The following MECOM variants were observed in gnomAD, a reference collection of about 807,000 sequenced individuals.
MECOM encodes the protein MDS1 and EVI1 complex locus, also known as histone-lysine N-methyltransferase MECOM.
Under a neutral mutation model 116.3 loss-of-function variants are expected in MECOM, and 13 were observed. That is an observed-to-expected ratio of 0.11 (90% CI 0.07 to 0.18). The LOEUF (loss-of-function observed/expected upper bound fraction) is 0.18. MECOM is among the 10% of genes least tolerant of loss of function. The pLI is 1.00. For synonymous variants in MECOM, 528 were observed against 535.2 expected (o/e 0.99, Z 0.19); for missense variants, 1,299 against 1,509.0 (o/e 0.86, Z 2.31).
intron 1 of MECOM, among the ~76,000 whole-genome samples, chr3:169,455,493 G>A (rs1212812320): frequency 2.0e-5 from 3 of 152,110 alleles, no homozygotes; most frequent in Admixed American, 2.0e-4. Context: ...AAGTTAAAAG[G>A]TAAAGATTAC....
intron 2 of MECOM, among the ~76,000 whole-genome samples, chr3:169,366,397 G>GA (rs201975838): frequency 0.012 from 1,820 of 147,252 alleles, 15 homozygotes; most frequent in East Asian, 0.045. Flanking sequence ...CTCAAACTAG[G>GA]AAAAAAAAAA....
At chr3:169,532,263 G>A (rs1190191145) in intron 1 of MECOM, among the ~76,000 whole-genome samples, 1 of 152,194 alleles carries the variant, frequency 6.6e-6, no homozygotes, top group African/African-American at 2.4e-5. Context: ...GTTCACTTGG[G>A]TAAGGCTGAT....
intron 2 of MECOM, among the ~76,000 whole-genome samples, chr3:169,248,274 T>C (rs1755834649): frequency 6.6e-6 from 1 of 152,176 alleles, no homozygotes; most frequent in African/African-American, 2.4e-5. Flanking sequence ...GATGAAGATA[T>C]AGAAATTCAG....
chr3:169,378,482 A>AAAGCAAGC (rs1731645036), intron 2 of MECOM, among the ~76,000 whole-genome samples: 1 of 43,924 alleles, frequency 2.3e-5, no homozygotes, highest in Admixed American at 2.4e-4. Flanking sequence ...AGCAAGAAAG[A>AAAGCAAGC]GAGAGAGAAA....
Position 169,115,913 on chromosome 3 carries a change from C to T in MECOM, c.1959G>A (p.Ala653=), listed in dbSNP as rs770124328. The part of the protein sequence containing the change: ...IFSPSLEEQT[A]VSGAVNDSIK... ...TAGAATCATTCACAGCTCCTGACAC[C>T]GCAGTCTGCTCCTCTAAAGATGGTG... The change falls in exon 8 of 17, where the codon GCG becomes GCA. Residue 653 remains alanine (A), a synonymous_variant. Coordinates refer to ENST00000651503, the MANE Select transcript of MECOM (RefSeq NM_004991.4). 9.9e-6 allele frequency: 16 copies of T among 1,614,038 alleles called. No individual in the cohort carries two copies. The highest frequency in any genetic ancestry group is 1.3e-5 in the African/African-American group (1 of 75,026).
chr3:169,144,601 T>C (rs1739157429), intron 2 of MECOM, among the ~76,000 whole-genome samples: 1 of 152,196 alleles, frequency 6.6e-6, no homozygotes, highest in Admixed American at 6.5e-5. Context: ...CCCATCTAAA[T>C]GTTAATCATT....
intron 2 of MECOM, among the ~76,000 whole-genome samples, chr3:169,297,470 T>G (rs1300460269): frequency 7.9e-5 from 12 of 152,178 alleles, no homozygotes; most frequent in Non-Finnish European, 1.5e-4. Context: ...AGGAAATCTT[T>G]GCAATTAAAA....
chr3:169,615,203 A>G (rs1769848602), intron 1 of MECOM, among the ~76,000 whole-genome samples: 1 of 152,220 alleles, frequency 6.6e-6, no homozygotes, highest in Non-Finnish European at 1.5e-5. Context: ...TAACTTTCTC[A>G]GGACACCTTG....
intron 4 of MECOM, among the ~76,000 whole-genome samples, chr3:169,128,819 T>C (rs116757212): frequency 1.3e-5 from 2 of 152,172 alleles, no homozygotes; most frequent in Non-Finnish European, 2.9e-5. Flanking sequence ...TAGTGTGGTA[T>C]AGAGATAACA....
chr3:169,085,215 TGGCCTTTAGTGCCTAGG>T (rs1316449307), intron 16 of MECOM, among the ~76,000 whole-genome samples, 172 bp from the exon 17 acceptor site: 1 of 152,210 alleles, frequency 6.6e-6, no homozygotes, highest in East Asian at 1.9e-4. Context: ...GGATTACTGC[TGGCCTTTAGTGCCTAGG>T]GGCCCCAAAA....
chr3:169,406,733 G>C (rs988145713), intron 1 of MECOM, among the ~76,000 whole-genome samples: 4 of 152,000 alleles, frequency 2.6e-5, no homozygotes, highest in South Asian at 2.1e-4. Flanking sequence ...AAAAACTAAG[G>C]CTCAGAGAGT....
At chr3:169,584,340 C>T (rs985077504) in intron 1 of MECOM, among the ~76,000 whole-genome samples, 56 of 151,632 alleles carry the variant, frequency 3.7e-4, no homozygotes, top group Non-Finnish European at 5.3e-4. Context: ...CCGGGGCGGG[C>T]GGATCACGAG....
rs543626485 is a variant in MECOM, at chr3:169,088,223, T to G, written c.3585+777A>C. Among the ~76,000 whole-genome samples, 3 of 152,338 alleles carry G rather than the reference T, an allele frequency of 2.0e-5. No individual in the cohort carries two copies. In the South Asian group the frequency reaches 6.2e-4, roughly 32 times the overall value. On this transcript the variant is annotated intron_variant, in intron 16 of 16. Coordinates refer to ENST00000651503, the MANE Select transcript of MECOM (RefSeq NM_004991.4). ...TAAATATGGTAATAGGAAGTTTCTTTATTTTTAATTGACCTGAATGAACAA... is the reference window on the plus strand; with the variant it reads ...TAAATATGGTAATAGGAAGTTTCTTGATTTTTAATTGACCTGAATGAACAA...
At chr3:169,150,060 A>G (rs1286292555) in intron 2 of MECOM, among the ~76,000 whole-genome samples, 1 of 150,778 alleles carries the variant, frequency 6.6e-6, no homozygotes. Flanking sequence ...GGTATATAAC[A>G]ATAACTTCAT....
At chr3:169,371,569 CTT>C (rs1730140712) in intron 2 of MECOM, among the ~76,000 whole-genome samples, 1 of 151,534 alleles carries the variant, frequency 6.6e-6, no homozygotes, top group African/African-American at 2.4e-5. Flanking sequence ...TGATGGGTAT[CTT>C]AATTAGCTTG....
intron 2 of MECOM, among the ~76,000 whole-genome samples, chr3:169,233,269 T>C (rs564219751): frequency 6.6e-6 from 1 of 152,228 alleles, no homozygotes; most frequent in East Asian, 1.9e-4. Flanking sequence ...CTATCTTATT[T>C]GATAATTCTT....
intron 1 of MECOM, among the ~76,000 whole-genome samples, chr3:169,543,230 G>A (rs1760313731): frequency 6.6e-6 from 1 of 152,150 alleles, no homozygotes; most frequent in South Asian, 2.1e-4. Flanking sequence ...ACTTATAAAT[G>A]CAAGCAAATA....
chr3:169,495,987 C>T (rs1350959195), intron 1 of MECOM, among the ~76,000 whole-genome samples: 1 of 152,230 alleles, frequency 6.6e-6, no homozygotes, highest in Non-Finnish European at 1.5e-5. Context: ...ACGACCCTAC[C>T]AGTAAAAGGG....
chr3:169,201,692 C>A (rs1373692342), intron 2 of MECOM, among the ~76,000 whole-genome samples: 1 of 152,010 alleles, frequency 6.6e-6, no homozygotes, highest in Non-Finnish European at 1.5e-5. Context: ...GGATAAAGTC[C>A]ACTTTTTCCT....
Sources: allele counts gnomAD v4.1 joint callset (sites outside exome capture counted in the v4.1 genomes callset), GRCh38; gene constraint gnomAD v4.1.1; transcripts MANE v1.5; gene names NCBI Gene and HGNC (gene_info 2026-07-23, HGNC 2026-07-21).